KLHL30: variants seen among roughly 807,000 people sequenced by gnomAD.
KLHL30 encodes kelch-like protein 30.
KLHL30 carries 55 observed loss-of-function variants against 55.0 expected under a neutral mutation model. The observed-to-expected ratio is 1.00, with a 90% CI of 0.80 to 1.25. KLHL30 has a LOEUF of 1.25. Among genes scored for constraint, KLHL30 ranks in the 50% most tolerant of loss-of-function variants. The pLI is 0.00. For synonymous variants in KLHL30, 356 were observed against 372.6 expected (o/e 0.96, Z 0.51); for missense variants, 786 against 811.6 (o/e 0.97, Z 0.38).
At position 238,151,231 on chromosome 2, in the gene KLHL30, C is replaced by A; in HGVS notation, c.*166C>A. ...GACGGCATGGCTTGGAGGACACAGC[C>A]TTGGTCTCTGTGGCCACCACACTAA... On this transcript the variant is annotated 3_prime_UTR_variant, in exon 8 of 8. Transcript: ENST00000409223. 1.0e-6 allele frequency: 1 copy of A among 972,994 alleles called. No homozygotes were observed. The allele number at this position is 972,994 out of a possible 1,614,324, so 60.3% of individuals were successfully genotyped here.
In KLHL30 at chr2:238,152,664, T is replaced by C. The variant is rs761817131; in HGVS notation, c.*1599T>C. On this transcript the variant is annotated 3_prime_UTR_variant, in exon 8 of 8. Coordinates refer to ENST00000409223, the MANE Select transcript of KLHL30 (RefSeq NM_198582.4). ...GATTACAAGGTGTGGGAGAAGTGAGTTGACCCTGGAGGGCCAGACAGAGTG... is the reference window on the plus strand; with the variant it reads ...GATTACAAGGTGTGGGAGAAGTGAGCTGACCCTGGAGGGCCAGACAGAGTG... 2 of 152,056 alleles carry C rather than the reference T, an allele frequency of 1.3e-5. No homozygotes were observed. The highest frequency in any genetic ancestry group is 2.9e-5 in the Non-Finnish European group (2 of 68,064). The allele number at this position is 152,056 out of a possible 1,614,324, so 9.4% of individuals were successfully genotyped here.
intron 3 of KLHL30, among the ~76,000 whole-genome samples, chr2:238,144,432 A>AATGAAGGCAGGCAGGCAGGCAGGC (rs1692607763): frequency 1.2e-5 from 1 of 82,380 alleles, no homozygotes; most frequent in Non-Finnish European, 2.6e-5. Context: ...GGAAGGAAGG[A>AATGAAGGCAGGCAGGCAGGCAGGC]AGGCAGGCAG....
intron 2 of KLHL30, 140 bp from the exon 3 acceptor site, chr2:238,142,659 T>C (rs1048919661): frequency 8.9e-6 from 7 of 787,804 alleles, no homozygotes; most frequent in Non-Finnish European, 8.9e-6. Flanking sequence ...AGGGAGCAGC[T>C]TGTGCACTCG....
chr2:238,151,801 C>A lies in KLHL30; in HGVS notation c.*736C>A, dbSNP rs1024280473. The A allele has an allele frequency of 1.9e-5, 16 of 834,800 alleles. No homozygotes were observed. In the African/African-American group the frequency reaches 2.8e-4, roughly 14 times the overall value. 51.7% of individuals were successfully genotyped at this position (834,800 alleles called of 1,614,324 possible). ...GGCTGGAGGGTCCCAGGGAGGTGAGCAGTTTTGCTCTCAGAAGGGATTGCC... is the reference window on the plus strand; with the variant it reads ...GGCTGGAGGGTCCCAGGGAGGTGAGAAGTTTTGCTCTCAGAAGGGATTGCC... On this transcript the variant is annotated 3_prime_UTR_variant, in exon 8 of 8. Transcript: ENST00000409223.
chr2:238,146,694 G>A (rs922235732), intron 5 of KLHL30, among the ~76,000 whole-genome samples: 60 of 150,486 alleles, frequency 4.0e-4, no homozygotes, highest in East Asian at 1.2e-3. Flanking sequence ...AGAGGGAGCC[G>A]CTGCCCCCAG....
chr2:238,141,551 C>T, intron 2 of KLHL30, 23 bp downstream of exon 2: 1 of 1,433,236 alleles, frequency 7.0e-7, no homozygotes, highest in Non-Finnish European at 9.1e-7. Context: ...CTGGGAGGCC[C>T]CATCCCTGGG....
At chr2:238,149,927 A>T (rs1225603564) in intron 7 of KLHL30, among the ~76,000 whole-genome samples, 2 of 151,644 alleles carry the variant, frequency 1.3e-5, no homozygotes, top group African/African-American at 4.9e-5. Context: ...CTGCCCCAAG[A>T]CTCCCAGTCC....
intron 7 of KLHL30, 22 bp from the exon 8 acceptor site, chr2:238,150,792 C>T: frequency 6.4e-7 from 1 of 1,559,848 alleles, no homozygotes; most frequent in East Asian, 2.4e-5. Context: ...CCACCGGACG[C>T]TAACCCGCTG....
intron 3 of KLHL30, among the ~76,000 whole-genome samples, chr2:238,143,937 A>G (rs1337946000): frequency 6.6e-6 from 1 of 152,252 alleles, no homozygotes; most frequent in East Asian, 1.9e-4. Flanking sequence ...ATGGTCATAA[A>G]TAGTAAACAG....
At chr2:238,143,181 CT>C (rs1480164101) in intron 3 of KLHL30, among the ~76,000 whole-genome samples, 1 of 152,232 alleles carries the variant, frequency 6.6e-6, no homozygotes, top group Non-Finnish European at 1.5e-5. Context: ...ACTCTGGTCC[CT>C]TTTAGGCCCT....
In KLHL30 at chr2:238,141,230, G is replaced by A. The variant is rs201855562; in HGVS notation, c.476G>A (p.Arg159Gln). 3.9e-4 allele frequency: 629 copies of A among 1,609,200 alleles called. No homozygotes were observed. Among genetic ancestry groups the A allele is most frequent in the Non-Finnish European group, 5.1e-4 (598 of 1,179,682 alleles). The change falls in exon 2 of 8, where the codon CGA (arginine) becomes CAA (glutamine). Residue 159 changes from arginine to glutamine, a missense_variant. Coordinates refer to ENST00000409223, the MANE Select transcript of KLHL30 (RefSeq NM_198582.4). ...GCTGCCAAGGCCTGGGCCTTCCTGCGAGAGAACTTTGAGGCTGTGGCACGT... is the reference window on the plus strand; with the variant it reads ...GCTGCCAAGGCCTGGGCCTTCCTGCAAGAGAACTTTGAGGCTGTGGCACGT... ...GVAAKAWAFLRENFEAVARED... is the reference protein window; with the variant it reads ...GVAAKAWAFLQENFEAVARED...
chr2:238,144,432 AAGGCAGGCAGGCAGGCAGGCAGGC>A (rs1165549782), intron 3 of KLHL30, among the ~76,000 whole-genome samples: 233 of 82,410 alleles, frequency 2.8e-3, no homozygotes, highest in Non-Finnish European at 4.1e-3. Context: ...GGAAGGAAGG[AAGGCAGGCAGGCAGGCAGGCAGGC>A]AGGCAGGCAG....
chr2:238,140,798 A>G lies in KLHL30; in HGVS notation c.44A>G (p.His15Arg), dbSNP rs1232113373. 3.2e-6 allele frequency: 5 copies of G among 1,586,148 alleles called. No individual in the cohort carries two copies. In the East Asian group the frequency reaches 6.8e-5, roughly 22 times the overall value. Residue 15 changes from histidine to arginine, a missense_variant, in exon 2 of 8, where the codon CAT (histidine) becomes CGT (arginine). His to Arg is a conservative substitution (Grantham distance 29, BLOSUM62 0). Transcript: ENST00000409223. Reference protein sequence around the residue: ...VDDLDFHLPSHAQDMLDGLQR... With the variant: ...VDDLDFHLPSRAQDMLDGLQR... ...GACCTGGATTTCCACCTGCCCTCGC[A>G]TGCCCAGGACATGCTGGATGGCCTG...
rs541029231 is a variant in KLHL30 at position 238,145,686 on chromosome 2, G to C, written c.1004G>C (p.Arg335Pro). The change falls in exon 5 of 8, where the codon CGG becomes CCG. Residue 335 changes from arginine (R) to proline (P), a missense_variant. Physicochemically the swap from Arg to Pro is moderately radical, Grantham distance 103 (BLOSUM62 -2). Coordinates refer to ENST00000409223, the MANE Select transcript of KLHL30 (RefSeq NM_198582.4). ...NNNIYVTGGS[R>P]GTKTDTWSTT... ...GAACTTCTCCCGGCAGGTGGCTCTC[G>C]GGGCACAAAGACAGACACCTGGTCA... is the stretch of plus-strand genomic sequence containing the variant. 2 of 1,578,454 alleles carry C rather than the reference G, an allele frequency of 1.3e-6. No individual in the cohort carries two copies. The highest frequency in any genetic ancestry group is 1.7e-6 in the Non-Finnish European group (2 of 1,164,220).
rs1295780419 is a variant in KLHL30, at chr2:238,142,938, AC to A, written c.907+11del. On this transcript the variant is annotated splice_region_variant and intron_variant, in intron 3 of 7. Transcript: ENST00000409223. ...TTCTACAACAGCAAGGCCAGTGAGTACCCCTCCCGCGTCCAGACCCACCTGC... is the reference window on the plus strand; with the variant it reads ...TTCTACAACAGCAAGGCCAGTGAGTACCCTCCCGCGTCCAGACCCACCTGC... 1 of 1,504,982 alleles carries A rather than the reference AC, an allele frequency of 6.6e-7. No homozygotes were observed. Among genetic ancestry groups the A allele is most frequent in the Non-Finnish European group, 8.8e-7 (1 of 1,140,398 alleles). 93.2% of individuals were successfully genotyped at this position (1,504,982 alleles called of 1,614,324 possible). A position where few individuals can be genotyped will look rare whatever the true frequency, so the allele number is the denominator to read the frequency against.
chr2:238,144,965 T>G lies in KLHL30; in HGVS notation c.971T>G (p.Leu324Arg). The part of the protein sequence containing the change: ...YHKWGFSLAA[L>R]NNNIYVTGGS... Reference sequence around the variant, plus strand: ...AAGTGGGGTTTCTCCCTGGCGGCCCTGAACAACAACATCTATGTCACAGGT... The same window carrying G: ...AAGTGGGGTTTCTCCCTGGCGGCCCGGAACAACAACATCTATGTCACAGGT... Residue 324 changes from leucine to arginine, a missense_variant, in exon 4 of 8, where the codon CTG becomes CGG. Coordinates refer to ENST00000409223, the MANE Select transcript of KLHL30 (RefSeq NM_198582.4). 6.2e-7 allele frequency: 1 copy of G among 1,608,746 alleles called. No homozygotes were observed.
chr2:238,146,713 A>G (rs1692654249), intron 5 of KLHL30, among the ~76,000 whole-genome samples: 1 of 151,294 alleles, frequency 6.6e-6, no homozygotes, highest in Non-Finnish European at 1.5e-5. Flanking sequence ...AGCCCATAAA[A>G]AAATAAAAAA....
In KLHL30 at chr2:238,143,012, G is replaced by A. The variant is rs544947034; in HGVS notation, c.907+81G>A. The A allele has an allele frequency of 1.6e-5, 22 of 1,406,780 alleles. No individual in the cohort carries two copies. The Admixed American group carries it at 4.3e-4, about 28-fold the overall frequency. The allele number at this position is 1,406,780 out of a possible 1,614,324, so 87.1% of individuals were successfully genotyped here. A position where few individuals can be genotyped will look rare whatever the true frequency, so the allele number is the denominator to read the frequency against. ...CCGCTGTGTCCTCCTTGCAGGTGGA[G>A]CGCATGAGGCTCGCAGAGGACCGGG... On this transcript the variant is annotated intron_variant, in intron 3 of 7. Transcript: ENST00000409223.
At chr2:238,143,009 G>A in intron 3 of KLHL30, 78 bp downstream of exon 3, 3 of 1,426,060 alleles carry the variant, frequency 2.1e-6, no homozygotes, top group Non-Finnish European at 1.8e-6. Context: ...CCTTGCAGGT[G>A]GAGCGCATGA....
Sources: gnomAD v4.1 joint callset for allele counts (sites outside exome capture counted in the v4.1 genomes callset) on GRCh38, gnomAD v4.1.1 for gene constraint, MANE v1.5 for transcripts, NCBI Gene and HGNC (gene_info 2026-07-23, HGNC 2026-07-21) for gene names.